The following THADA variants were observed in gnomAD, a reference collection of about 807,000 sequenced individuals.
The protein encoded by THADA is tRNA (32-2'-O)-methyltransferase regulator THADA.
THADA carries 213 observed loss-of-function variants against 219.8 expected under a neutral mutation model. The observed-to-expected ratio is 0.97, with a 90% CI of 0.87 to 1.09. THADA has a LOEUF of 1.09. THADA is among the 50% of genes least tolerant of loss of function. The pLI is 0.00. For synonymous variants in THADA, 1,018 were observed against 828.9 expected (o/e 1.23, Z -3.92); for missense variants, 2,956 against 2,311.3 (o/e 1.28, Z -5.72).
At chr2:43,383,520 T>C (rs375682048) in intron 29 of THADA, among the ~76,000 whole-genome samples, 10 of 152,344 alleles carry the variant, frequency 6.6e-5, no homozygotes, top group African/African-American at 2.2e-4. Flanking sequence ...TAGGTTCAGC[T>C]GGTCCAACCA....
At chr2:43,394,190 G>A (rs962035425) in intron 29 of THADA, among the ~76,000 whole-genome samples, 2 of 152,128 alleles carry the variant, frequency 1.3e-5, no homozygotes, top group African/African-American at 4.8e-5. Flanking sequence ...CTTTTCTAAT[G>A]TGTGTTACTT....
chr2:43,364,588 A>G (rs917365125), intron 29 of THADA, among the ~76,000 whole-genome samples: 1 of 152,226 alleles, frequency 6.6e-6, no homozygotes, highest in African/African-American at 2.4e-5. Context: ...TAGGCATTCT[A>G]TTATATATAC....
chr2:43,476,300 C>A (rs1011052426), intron 26 of THADA, among the ~76,000 whole-genome samples: 3 of 152,170 alleles, frequency 2.0e-5, no homozygotes, highest in African/African-American at 7.2e-5. Context: ...TGCCTAGACA[C>A]TGCAGTGTCT....
chr2:43,423,679 G>A (rs192423515), intron 28 of THADA, among the ~76,000 whole-genome samples: 1 of 152,066 alleles, frequency 6.6e-6, no homozygotes, highest in Non-Finnish European at 1.5e-5. Flanking sequence ...TGATCCGCCC[G>A]CCTCGGCCTC....
At chr2:43,575,814 G>T (rs1420967242) in intron 10 of THADA, among the ~76,000 whole-genome samples, 1 of 152,104 alleles carries the variant, frequency 6.6e-6, no homozygotes, top group Non-Finnish European at 1.5e-5. Flanking sequence ...GGGATTACAG[G>T]CTTGAGCCAC....
chr2:43,454,284 A>G (rs1682716234), intron 26 of THADA, among the ~76,000 whole-genome samples: 1 of 152,194 alleles, frequency 6.6e-6, no homozygotes, highest in African/African-American at 2.4e-5. Flanking sequence ...TGTCCATTCT[A>G]GACCTTTTCT....
intron 36 of THADA, among the ~76,000 whole-genome samples, chr2:43,234,046 G>A (rs1293259951): frequency 1.3e-5 from 2 of 152,142 alleles, no homozygotes; most frequent in South Asian, 4.1e-4. Flanking sequence ...CTTAGTTCCC[G>A]TGGGTGTTGA....
intron 29 of THADA, among the ~76,000 whole-genome samples, chr2:43,359,094 A>G (rs568904280): frequency 6.6e-6 from 1 of 152,320 alleles, no homozygotes; most frequent in East Asian, 1.9e-4. Flanking sequence ...CATTTTATGC[A>G]TAATTATTAA....
chr2:43,564,868 A>G (rs970932670), intron 15 of THADA: 1 of 152,252 alleles, frequency 6.6e-6, no homozygotes, highest in Non-Finnish European at 1.5e-5. Context: ...AAATGTTAAT[A>G]TCATAAAATT....
At chr2:43,372,885 G>C (rs1670964071) in intron 29 of THADA, among the ~76,000 whole-genome samples, 1 of 152,152 alleles carries the variant, frequency 6.6e-6, no homozygotes, top group South Asian at 2.1e-4. Context: ...TGTATCTTTA[G>C]TAGAGACGAG....
At chr2:43,263,864 C>A (rs1671233081) in intron 36 of THADA, among the ~76,000 whole-genome samples, 1 of 152,172 alleles carries the variant, frequency 6.6e-6, no homozygotes, top group Admixed American at 6.5e-5. Flanking sequence ...CATGCATTAG[C>A]TATTTTCCTC....
intron 29 of THADA, among the ~76,000 whole-genome samples, chr2:43,350,213 G>T (rs534498628): frequency 1.3e-5 from 2 of 152,140 alleles, no homozygotes; most frequent in Non-Finnish European, 2.9e-5. Context: ...GCAGGCAGAA[G>T]TATTTTATGG....
At chr2:43,384,786 T>C (rs898059608) in intron 29 of THADA, among the ~76,000 whole-genome samples, 5 of 152,106 alleles carry the variant, frequency 3.3e-5, no homozygotes, top group Non-Finnish European at 5.9e-5. Flanking sequence ...GGCAACATAG[T>C]GTGACTCTAT....
intron 28 of THADA, among the ~76,000 whole-genome samples, chr2:43,400,478 A>AATATATATATATATATATATATAT (rs1553427575): frequency 8.5e-6 from 1 of 117,000 alleles, no homozygotes; most frequent in Non-Finnish European, 1.8e-5. Flanking sequence ...TATATATATA[A>AATATATATATATATATATATATAT]ATATATACAC....
At chr2:43,294,543 A>G (rs987572393) in intron 31 of THADA, among the ~76,000 whole-genome samples, 2 of 152,228 alleles carry the variant, frequency 1.3e-5, no homozygotes, top group African/African-American at 4.8e-5. Flanking sequence ...TAGGGAAGAA[A>G]TGTGGCTAGA....
chr2:43,403,316 T>A (rs908225007), intron 28 of THADA, among the ~76,000 whole-genome samples: 1 of 152,186 alleles, frequency 6.6e-6, no homozygotes, highest in Non-Finnish European at 1.5e-5. Context: ...CTCTAATTTG[T>A]AGACCGTGAA....
intron 25 of THADA, among the ~76,000 whole-genome samples, chr2:43,489,309 TA>T (rs1272796348): frequency 6.6e-6 from 1 of 152,140 alleles, no homozygotes; most frequent in East Asian, 1.9e-4. Flanking sequence ...GCCTTCCGAG[TA>T]GCTGGGACTA....
At chr2:43,551,646 G>T in intron 19 of THADA, 143 bp downstream of exon 19, 2 of 705,514 alleles carry the variant, frequency 2.8e-6, no homozygotes, top group Non-Finnish European at 4.0e-6. Flanking sequence ...CTAAAAGGCA[G>T]AAATACCACA....
At chr2:43,317,783 T>C (rs1280474072) in intron 31 of THADA, among the ~76,000 whole-genome samples, 1 of 152,236 alleles carries the variant, frequency 6.6e-6, no homozygotes, top group African/African-American at 2.4e-5. Flanking sequence ...CAAACACATC[T>C]AGCGATTTTA....
Sources: allele counts gnomAD v4.1 joint callset (sites outside exome capture counted in the v4.1 genomes callset), GRCh38; gene constraint gnomAD v4.1.1; transcripts MANE v1.5; gene names NCBI Gene and HGNC (gene_info 2026-07-23, HGNC 2026-07-21).